The following CEL variants were observed in gnomAD, a reference collection of about 807,000 sequenced individuals.
The protein encoded by CEL is carboxyl ester lipase, also known as bile salt-activated lipase.
CEL carries 39 observed loss-of-function variants against 57.1 expected under a neutral mutation model. The observed-to-expected ratio is 0.68, with a 90% CI of 0.53 to 0.89. CEL has a LOEUF of 0.89. CEL is among the 40% of genes least tolerant of loss of function. CEL has a pLI of 0.00. For synonymous variants in CEL, 314 were observed against 396.6 expected (o/e 0.79, Z 2.48); for missense variants, 698 against 915.0 (o/e 0.76, Z 3.06).
In CEL at chr9:133,068,673, C is replaced by G; in HGVS notation, c.897C>G (p.Tyr299Ter). 5 of 1,613,164 alleles carry G rather than the reference C, an allele frequency of 3.1e-6. No homozygotes were observed. The highest frequency in any genetic ancestry group is 4.2e-6 in the Non-Finnish European group (5 of 1,179,714). The change falls in exon 8 of 11, where the codon TAC (tyrosine) becomes TAG (stop). Residue 299 changes from tyrosine (Y) to a stop codon, truncating the protein, a stop_gained and splice_region_variant. Transcript: ENST00000372080. LOFTEE classifies it high-confidence loss of function. ...AYKVPLAGLE[Y>*]PMLHYVGFVP... ...TAACCTGCTGGCTCTCCCACCCAGACCCCATGCTGCACTATGTGGGCTTCG... is the reference window on the plus strand; with the variant it reads ...TAACCTGCTGGCTCTCCCACCCAGAGCCCATGCTGCACTATGTGGGCTTCG...
intron 1 of CEL, among the ~76,000 whole-genome samples, chr9:133,063,766 C>T (rs1350891630): frequency 6.6e-6 from 1 of 152,034 alleles, no homozygotes; most frequent in Non-Finnish European, 1.5e-5. Context: ...ATTTTCATGG[C>T]ACAGGGAAGC....
At position 133,066,984 on chromosome 9, in the gene CEL, G is replaced by A. The variant is rs1290008861; in HGVS notation, c.777+39G>A. 6.3e-7 allele frequency: 1 copy of A among 1,599,552 alleles called. No homozygotes were observed. The highest frequency in any genetic ancestry group is 8.6e-7 in the Non-Finnish European group (1 of 1,167,000). On this transcript the variant is annotated intron_variant, in intron 6 of 10. Transcript: ENST00000372080. The surrounding 1 kb of genome is among the most constrained non-coding windows in gnomAD (Gnocchi z 4.3). ...GGCAGGGCTGGGCGGGGTGGGGGCTGTCCACATTTCCGTTCTTTATCCTGG... is the reference window on the plus strand; with the variant it reads ...GGCAGGGCTGGGCGGGGTGGGGGCTATCCACATTTCCGTTCTTTATCCTGG...
rs2119063541 is a variant in CEL at position 133,067,023 on chromosome 9, C to T, written c.778-65C>T. ...TCTTTATCCTGGACCCCATCCTTGC[C>T]TTCAAATGGTTCTGAGCCCTGAGCT... On this transcript the variant is annotated intron_variant, in intron 6 of 10. Coordinates refer to ENST00000372080, the MANE Select transcript of CEL (RefSeq NM_001807.6). 2.5e-6 allele frequency: 4 copies of T among 1,607,676 alleles called. No homozygotes were observed. The East Asian group carries it at 6.7e-5, about 27-fold the overall frequency.
chr9:133,064,868 CCA>C, intron 3 of CEL, 106 bp downstream of exon 3: 2 of 1,583,514 alleles, frequency 1.3e-6, no homozygotes, highest in Non-Finnish European at 1.7e-6. Context: ...CCATGAAATC[CCA>C]CAGAGGCGGG....
chr9:133,064,533 C>T lies in CEL; in HGVS notation c.196C>T (p.Gln66Ter). ...AAPTKALENPQPHPGWQGTLK... is the reference protein window; with the variant it reads ...AAPTKALENP ...TCCCACCAAGGCCCTGGAAAATCCTCAGCCACATCCTGGCTGGCAAGGTGG... is the reference window on the plus strand; with the variant it reads ...TCCCACCAAGGCCCTGGAAAATCCTTAGCCACATCCTGGCTGGCAAGGTGG... Residue 66 changes from glutamine to a stop codon, truncating the protein, a stop_gained, in exon 2 of 11, where the codon CAG (glutamine) becomes TAG (stop). Coordinates refer to ENST00000372080, the MANE Select transcript of CEL (RefSeq NM_001807.6). LOFTEE classifies it high-confidence loss of function. 6.2e-7 allele frequency: 1 copy of T among 1,614,194 alleles called. No individual in the cohort carries two copies. Among genetic ancestry groups the T allele is most frequent in the Non-Finnish European group, 8.5e-7 (1 of 1,180,016 alleles).
At chr9:133,065,305 C>G (rs900669113) in intron 4 of CEL, 68 bp downstream of exon 4, 70 of 1,552,300 alleles carry the variant, frequency 4.5e-5, no homozygotes, top group Non-Finnish European at 6.0e-5. Context: ...AGATTTTCCT[C>G]AGCACCCCTC....
At chr9:133,067,256 G>C in intron 7 of CEL, 51 bp downstream of exon 7, 1 of 1,526,150 alleles carries the variant, frequency 6.6e-7, no homozygotes, top group Non-Finnish European at 9.0e-7. Flanking sequence ...GGGGTTGAGG[G>C]GGGTACTGCC....
At position 133,066,456 on chromosome 9, in the gene CEL, A is replaced by C; in HGVS notation, c.539-74A>C. The C allele has an allele frequency of 6.3e-7, 1 of 1,589,850 alleles. No homozygotes were observed. The highest frequency in any genetic ancestry group is 8.6e-7 in the Non-Finnish European group (1 of 1,162,098). ...TGTTGAGGGCATTTCCACCCCACCT[A>C]TGCTGATCTCCCCTCCTGGAGGCCA... On this transcript the variant is annotated intron_variant, in intron 4 of 10. Coordinates refer to ENST00000372080, the MANE Select transcript of CEL (RefSeq NM_001807.6). The surrounding 1 kb of genome is among the most constrained non-coding windows in gnomAD (Gnocchi z 4.3).
chr9:133,066,952 GGA>G lies in CEL; in HGVS notation c.777+9_777+10del. 6.2e-7 allele frequency: 1 copy of G among 1,607,406 alleles called. No individual in the cohort carries two copies. The highest frequency in any genetic ancestry group is 8.5e-7 in the Non-Finnish European group (1 of 1,174,604). On this transcript the variant is annotated splice_region_variant and intron_variant, in intron 6 of 10. Transcript: ENST00000372080. This position sits in a 1 kb window ranked among gnomAD's most constrained non-coding sequence, Gnocchi z 4.3. Reference sequence around the variant, plus strand: ...ACTCTTCTGGGCCAAAAAGGTAAACGGAGGAGGGCAGGGCTGGGCGGGGTGGG... The same window carrying G: ...ACTCTTCTGGGCCAAAAAGGTAAACGGGAGGGCAGGGCTGGGCGGGGTGGG...
Position 133,065,136 on chromosome 9 carries a change from A to G in CEL, c.437A>G (p.Asp146Gly). 2.5e-6 allele frequency: 4 copies of G among 1,613,928 alleles called. No homozygotes were observed. Among genetic ancestry groups the G allele is most frequent in the Non-Finnish European group, 2.5e-6 (3 of 1,180,030 alleles). The change falls in exon 4 of 11, where the codon GAC becomes GGC. Residue 146 changes from aspartate (D) to glycine (G), a missense_variant. Transcript: ENST00000372080. Reference protein sequence around the residue: ...GANFLNNYLYDGEEIATRGNV... With the variant: ...GANFLNNYLYGGEEIATRGNV... ...AACTTCCTCAACAACTACCTGTATG[A>G]CGGCGAGGAGATCGCCACACGCGGA...
rs138755842 is a variant in CEL, at chr9:133,065,833, T to C, written c.538+596T>C. On this transcript the variant is annotated intron_variant, in intron 4 of 10. Coordinates refer to ENST00000372080, the MANE Select transcript of CEL (RefSeq NM_001807.6). Reference sequence around the variant, plus strand: ...TGCACTCCAGCCTGGAGAACAAGAGTAAAACTCTGTCTCAAAAAAAAAAAA... The same window carrying C: ...TGCACTCCAGCCTGGAGAACAAGAGCAAAACTCTGTCTCAAAAAAAAAAAA... 8.5e-3 allele frequency among the ~76,000 whole-genome samples: 657 copies of C among 77,422 alleles called. 4 individuals carry two copies. The highest frequency in any genetic ancestry group is 0.027 in the Middle Eastern group (2 of 74). The allele number at this position is 77,422 out of a possible 152,430, so 50.8% of individuals were successfully genotyped here. A position where few individuals can be genotyped will look rare whatever the true frequency, so the allele number is the denominator to read the frequency against.
chr9:133,065,626 C>T (rs940899940), intron 4 of CEL, among the ~76,000 whole-genome samples: 5 of 152,102 alleles, frequency 3.3e-5, no homozygotes, highest in Non-Finnish European at 7.4e-5. Context: ...GTGGGTAGAT[C>T]ACCTGAGGTC....
Position 133,071,661 on chromosome 9 carries a change from C to G in CEL, c.2159C>G (p.Ser720Cys), listed in dbSNP as rs1462595869. 6.3e-7 allele frequency: 1 copy of G among 1,577,536 alleles called. No homozygotes were observed. The highest frequency in any genetic ancestry group is 8.7e-7 in the Non-Finnish European group (1 of 1,154,684). ...ETAPVPPTGD[S>C]GAPPVPPTGD... ...GCCCCCGTGCCGCCCACGGGTGACT[C>G]CGGGGCCCCCCCTGTGCCCCCCACG... The change falls in exon 11 of 11, where the codon TCC (serine) becomes TGC (cysteine). Residue 720 changes from serine to cysteine, a missense_variant. By Grantham distance (112) the Ser-to-Cys change is moderately radical. Coordinates refer to ENST00000372080, the MANE Select transcript of CEL (RefSeq NM_001807.6).
rs571038906 is a variant in CEL at position 133,065,170 on chromosome 9, C to T, written c.471C>T (p.Ile157=). The T allele has an allele frequency of 2.0e-5, 32 of 1,613,748 alleles. No homozygotes were observed. Among genetic ancestry groups the T allele is most frequent in the Non-Finnish European group, 2.5e-5 (29 of 1,180,050 alleles). ...AGATCGCCACACGCGGAAACGTCAT[C>T]GTGGTCACCTTCAACTACCGTGTCG... ...GEEIATRGNV[I]VVTFNYRVGP... The change falls in exon 4 of 11, where the codon ATC becomes ATT. Residue 157 remains isoleucine (I), a synonymous_variant. Transcript: ENST00000372080.
intron 3 of CEL, 85 bp downstream of exon 3, chr9:133,064,847 A>G (rs1830149611): frequency 6.3e-7 from 1 of 1,599,740 alleles, no homozygotes; most frequent in Admixed American, 1.7e-5. Flanking sequence ...GGGGGCTGCA[A>G]AGCTGAACTT....
chr9:133,063,063 CT>C (rs1355293324), intron 1 of CEL, among the ~76,000 whole-genome samples: 1 of 151,820 alleles, frequency 6.6e-6, no homozygotes, highest in Non-Finnish European at 1.5e-5. Flanking sequence ...CCCAACCACG[CT>C]GTTCTGCCGC....
rs1027973097 is a variant in CEL at position 133,067,206 on chromosome 9, G to GT, written c.895+2dup. 5 of 1,613,228 alleles carry GT rather than the reference G, an allele frequency of 3.1e-6. No individual in the cohort carries two copies. The African/African-American group carries it at 5.3e-5, about 17-fold the overall frequency. ...AAGGTGCCGCTGGCAGGCCTGGAGT[G>GT]TGAGTAGCTGCTCGGGTTGGCCCAT... On this transcript the variant is annotated splice_donor_variant, in intron 7 of 10. Coordinates refer to ENST00000372080, the MANE Select transcript of CEL (RefSeq NM_001807.6). LOFTEE classifies it high-confidence loss of function.
chr9:133,064,965 G>GCA, intron 3 of CEL, 75 bp from the exon 4 acceptor site: 4 of 1,590,498 alleles, frequency 2.5e-6, no homozygotes, highest in Non-Finnish European at 3.4e-6. Flanking sequence ...GGCACCTGCT[G>GCA]CACAGGGACA....
chr9:133,070,295 T>C (rs1366158849), intron 9 of CEL, among the ~76,000 whole-genome samples, 166 bp from the exon 10 acceptor site: 6 of 147,420 alleles, frequency 4.1e-5, no homozygotes, highest in Non-Finnish European at 9.0e-5. Flanking sequence ...ATCCATGAAT[T>C]TGGTTCTCAG....
Sources: gnomAD v4.1 joint callset for allele counts (sites outside exome capture counted in the v4.1 genomes callset) on GRCh38, gnomAD v4.1.1 for gene constraint, Gnocchi (gnomAD v3.1) non-coding constraint, MANE v1.5 for transcripts, NCBI Gene and HGNC (gene_info 2026-07-23, HGNC 2026-07-21) for gene names.